The following LFNG variants were observed in gnomAD, a reference collection of about 807,000 sequenced individuals.
LFNG encodes the protein LFNG O-fucosylpeptide 3-beta-N-acetylglucosaminyltransferase, also known as beta-1,3-N-acetylglucosaminyltransferase lunatic fringe.
A neutral mutation model predicts 32.7 loss-of-function variants in LFNG; 15 were observed. The ratio of observed to expected loss-of-function variants is 0.46; its 90% confidence interval spans 0.31 to 0.71. LFNG has a LOEUF of 0.71. Among genes scored for constraint, LFNG ranks in the 30% least tolerant of loss-of-function variants. The pLI is 0.06. For missense variants in LFNG, 520 were observed against 545.7 expected (o/e 0.95, Z 0.47); for synonymous variants, 274 against 246.8 (o/e 1.11, Z -1.03).
chr7:2,528,002 T>A lies in LFNG; in HGVS notation c.*790T>A. ...GTGTCTGTAAATATTGTGACAGTAT[T>A]TTTTTACTGTGCTGTTTTTTTTGAA... On this transcript the variant is annotated 3_prime_UTR_variant, in exon 8 of 8. Coordinates refer to ENST00000222725, the MANE Select transcript of LFNG (RefSeq NM_001040167.2). 1 of 984,978 alleles carries A rather than the reference T, an allele frequency of 1.0e-6. No homozygotes were observed. Among genetic ancestry groups the A allele is most frequent in the Non-Finnish European group, 1.2e-6 (1 of 829,764 alleles). 61.0% of individuals were successfully genotyped at this position (984,978 alleles called of 1,614,324 possible). A position where few individuals can be genotyped will look rare whatever the true frequency, so the allele number is the denominator to read the frequency against.
In LFNG at chr7:2,526,824, C is replaced by T. The variant is rs200232463; in HGVS notation, c.988-12C>T. 1.4e-4 allele frequency: 229 copies of T among 1,611,906 alleles called. 1 individual carries two copies. The East Asian group carries it at 4.4e-3, about 31-fold the overall frequency. On this transcript the variant is annotated splice_polypyrimidine_tract_variant and intron_variant, in intron 6 of 7. Transcript: ENST00000222725. The surrounding 1 kb of genome is among the most constrained non-coding windows in gnomAD (Gnocchi z 6.9). The stretch of plus-strand genomic sequence containing the variant: ...GGGCCCCTCCCGGCATCACTCCGCC[C>T]GCTCCCCACAGGTGACGCTGAGCTA...
At position 2,526,913 on chromosome 7, in the gene LFNG, CCCA is replaced by C; in HGVS notation, c.1066_1068del (p.Pro356del). 1 of 1,600,738 alleles carries C rather than the reference CCCA, an allele frequency of 6.2e-7. No homozygotes were observed. The highest frequency in any genetic ancestry group is 8.5e-7 in the Non-Finnish European group (1 of 1,175,002). On this transcript the variant is annotated inframe_deletion, in exon 7 of 8. Transcript: ENST00000222725. The surrounding 1 kb of genome is among the most constrained non-coding windows in gnomAD (Gnocchi z 6.9). ...AGGGGCCCTTCTCGGTGGAGGCCGACCCATCCAGGTAAGGAAACCCCGGCCCAG... is the reference window on the plus strand; with the variant it reads ...AGGGGCCCTTCTCGGTGGAGGCCGACTCCAGGTAAGGAAACCCCGGCCCAG...
intron 1 of LFNG, among the ~76,000 whole-genome samples, chr7:2,522,802 G>A (rs1779830851): frequency 6.6e-6 from 1 of 152,268 alleles, no homozygotes; most frequent in Non-Finnish European, 1.5e-5. Flanking sequence ...TCCGAGGGCT[G>A]TCAGGGAGAG....
chr7:2,520,594 C>T lies in LFNG; in HGVS notation c.432+301C>T, dbSNP rs1779762252. On this transcript the variant is annotated intron_variant, in intron 1 of 7. Transcript: ENST00000222725. The surrounding 1 kb of genome is among the most constrained non-coding windows in gnomAD (Gnocchi z 5.0). ...TGGTGCCCTGTGATACTTCTCACCCCGTAAACATTGGAGCGCATTCATAGG... is the reference window on the plus strand; with the variant it reads ...TGGTGCCCTGTGATACTTCTCACCCTGTAAACATTGGAGCGCATTCATAGG... 6.6e-6 allele frequency among the ~76,000 whole-genome samples: 1 copy of T among 152,254 alleles called. No individual in the cohort carries two copies. The highest frequency in any genetic ancestry group is 2.4e-5 in the African/African-American group (1 of 41,470).
At position 2,527,551 on chromosome 7, in the gene LFNG, G is replaced by A. The variant is rs887662947; in HGVS notation, c.*339G>A. 3.0e-5 allele frequency: 38 copies of A among 1,260,888 alleles called. No homozygotes were observed. Among genetic ancestry groups the A allele is most frequent in the East Asian group, 2.5e-4 (6 of 23,888 alleles). The allele number at this position is 1,260,888 out of a possible 1,614,324, so 78.1% of individuals were successfully genotyped here. On this transcript the variant is annotated 3_prime_UTR_variant, in exon 8 of 8. Coordinates refer to ENST00000222725, the MANE Select transcript of LFNG (RefSeq NM_001040167.2). This position sits in a 1 kb window ranked among gnomAD's most constrained non-coding sequence, Gnocchi z 4.4. ...GATCTTTCTACAGCTACGGGGCTCCGGGCTACTTTGCAGGGATGCGATGCG... is the reference window on the plus strand; with the variant it reads ...GATCTTTCTACAGCTACGGGGCTCCAGGCTACTTTGCAGGGATGCGATGCG...
Position 2,527,470 on chromosome 7 carries a change from G to A in LFNG, c.*258G>A. The A allele has an allele frequency of 7.1e-7, 1 of 1,408,576 alleles. No homozygotes were observed. The highest frequency in any genetic ancestry group is 9.2e-7 in the Non-Finnish European group (1 of 1,081,304). 87.3% of individuals were successfully genotyped at this position (1,408,576 alleles called of 1,614,324 possible). ...GCCAGTGGGCTGCAGGGCCTGCTTG[G>A]AGGAAGGATTTGTGTGTCGGAGGCC... On this transcript the variant is annotated 3_prime_UTR_variant, in exon 8 of 8. Transcript: ENST00000222725. This position sits in a 1 kb window ranked among gnomAD's most constrained non-coding sequence, Gnocchi z 4.4.
At chr7:2,518,904 G>A (rs1366258664), upstream of LFNG, among the ~76,000 whole-genome samples, 1 of 152,064 alleles carries the variant, frequency 6.6e-6, no homozygotes, top group Non-Finnish European at 1.5e-5. Context: ...GCTCGTGCGA[G>A]GGGCGGGCCC....
chr7:2,517,785 T>C, upstream of LFNG: 2 of 966,874 alleles, frequency 2.1e-6, no homozygotes, highest in African/African-American at 1.7e-5. Flanking sequence ...GGATTGGGCC[T>C]CAAGAAACGG....
chr7:2,521,950 C>T (rs1384689386), intron 1 of LFNG, among the ~76,000 whole-genome samples: 1 of 152,190 alleles, frequency 6.6e-6, no homozygotes, highest in African/African-American at 2.4e-5. Flanking sequence ...AGGGTCACCC[C>T]ACCAGGGGAC....
Position 2,528,052 on chromosome 7 carries a change from T to A in LFNG, c.*840T>A. The A allele has an allele frequency of 1.1e-6, 1 of 942,644 alleles. No individual in the cohort carries two copies. The highest frequency in any genetic ancestry group is 1.3e-4 in the East Asian group (1 of 7,644). The allele number at this position is 942,644 out of a possible 1,614,324, so 58.4% of individuals were successfully genotyped here. ...AAGGGGATGGGTAAAAAGTAGGGTG[T>A]TCTTGTTTTTTGCTTGGGAGGGTGG... On this transcript the variant is annotated 3_prime_UTR_variant, in exon 8 of 8. Transcript: ENST00000222725.
rs1779730952 is a variant in LFNG at position 2,519,808 on chromosome 7, T to C, written c.-54T>C. The C allele has an allele frequency of 9.9e-7, 1 of 1,006,084 alleles. No homozygotes were observed. Among genetic ancestry groups the C allele is most frequent in the African/African-American group, 1.7e-5 (1 of 57,256 alleles). 62.3% of individuals were successfully genotyped at this position (1,006,084 alleles called of 1,614,324 possible). A position where few individuals can be genotyped will look rare whatever the true frequency, so the allele number is the denominator to read the frequency against. ...CGCCGCCGGAGCGACGGGCTTCGGG[T>C]CGGTGCAAGGCAGGCGCACGGGGAA... On this transcript the variant is annotated 5_prime_UTR_variant, in exon 1 of 8. Transcript: ENST00000222725.
upstream of LFNG, chr7:2,517,898 C>T (rs369949283): frequency 2.6e-6 from 3 of 1,166,996 alleles, no homozygotes; most frequent in Non-Finnish European, 1.1e-6. Context: ...GTGTGAGTGG[C>T]TATGATCCTA....
chr7:2,526,128 TCTC>T lies in LFNG; in HGVS notation c.822-112_822-110del, dbSNP rs2128377697. On this transcript the variant is annotated intron_variant, in intron 5 of 7. Coordinates refer to ENST00000222725, the MANE Select transcript of LFNG (RefSeq NM_001040167.2). This position sits in a 1 kb window ranked among gnomAD's most constrained non-coding sequence, Gnocchi z 6.9. Reference sequence around the variant, plus strand: ...GGCAGAGGGAGCTGCAGCCCAGAGCTCTCCTCAGGGCTCCTCTCCCTGAGGAGT... The same window carrying T: ...GGCAGAGGGAGCTGCAGCCCAGAGCTCTCAGGGCTCCTCTCCCTGAGGAGT... The T allele has an allele frequency of 9.3e-7, 1 of 1,077,926 alleles. No individual in the cohort carries two copies. Among genetic ancestry groups the T allele is most frequent in the Non-Finnish European group, 1.4e-6 (1 of 734,926 alleles). 66.8% of individuals were successfully genotyped at this position (1,077,926 alleles called of 1,614,324 possible).
In LFNG at chr7:2,526,173, G is replaced by A. The variant is rs910852277; in HGVS notation, c.822-71G>A. 11 of 1,561,346 alleles carry A rather than the reference G, an allele frequency of 7.0e-6. No individual in the cohort carries two copies. The highest frequency in any genetic ancestry group is 1.7e-4 in the Middle Eastern group (1 of 5,994). ...CTGAGGAGTGCAGCGCCTTTGCCTG[G>A]TGGGGCCTCCCCAGCTCCCAGCAGA... On this transcript the variant is annotated intron_variant, in intron 5 of 7. Coordinates refer to ENST00000222725, the MANE Select transcript of LFNG (RefSeq NM_001040167.2). This position sits in a 1 kb window ranked among gnomAD's most constrained non-coding sequence, Gnocchi z 6.9.
At chr7:2,524,353 G>A (rs1779881119) in intron 1 of LFNG, among the ~76,000 whole-genome samples, 1 of 152,348 alleles carries the variant, frequency 6.6e-6, no homozygotes, top group Non-Finnish European at 1.5e-5. Flanking sequence ...GCACGGGGCG[G>A]GTCGGGAACC....
At chr7:2,521,005 G>A (rs922727773) in intron 1 of LFNG, among the ~76,000 whole-genome samples, 4 of 152,336 alleles carry the variant, frequency 2.6e-5, no homozygotes, top group African/African-American at 7.2e-5. Context: ...GGGCGGGATG[G>A]GGACAGTGTG....
Position 2,526,710 on chromosome 7 carries a change from G to T in LFNG, c.988-126G>T. On this transcript the variant is annotated intron_variant, in intron 6 of 7. Transcript: ENST00000222725. This position sits in a 1 kb window ranked among gnomAD's most constrained non-coding sequence, Gnocchi z 6.9. ...CTTATTCCTGGGGTGTGCAGGGCAG[G>T]TGTCCTTCCAGGTCCAAGGGAGGCC... The T allele has an allele frequency of 1.1e-6, 1 of 882,238 alleles. No individual in the cohort carries two copies. The highest frequency in any genetic ancestry group is 1.9e-6 in the Non-Finnish European group (1 of 539,460). The allele number at this position is 882,238 out of a possible 1,614,324, so 54.7% of individuals were successfully genotyped here. A position where few individuals can be genotyped will look rare whatever the true frequency, so the allele number is the denominator to read the frequency against.
At chr7:2,517,579 G>C (rs373039022), upstream of LFNG, 555 of 417,602 alleles carry the variant, frequency 1.3e-3, 3 homozygotes, top group African/African-American at 0.011. Context: ...TTGCGGGGGT[G>C]GGGCGGCTCA....
At chr7:2,513,091 G>A, upstream of LFNG, 1 of 1,531,708 alleles carries the variant, frequency 6.5e-7, no homozygotes, top group Non-Finnish European at 9.0e-7. Flanking sequence ...TCTGGGCCCT[G>A]GGCACCTTTG....
Sources: gnomAD v4.1 joint callset for allele counts (sites outside exome capture counted in the v4.1 genomes callset) on GRCh38, gnomAD v4.1.1 for gene constraint, Gnocchi (gnomAD v3.1) non-coding constraint, MANE v1.5 for transcripts, NCBI Gene and HGNC (gene_info 2026-07-23, HGNC 2026-07-21) for gene names.